The following CFAP47 variants were observed in gnomAD, a reference collection of about 807,000 sequenced individuals.
The protein encoded by CFAP47 is cilia and flagella associated protein 47.
In CFAP47, 29 loss-of-function variants were observed where a neutral mutation model predicts 148.1. The observed-to-expected ratio is 0.20, with a 90% CI of 0.15 to 0.27. The LOEUF (loss-of-function observed/expected upper bound fraction) is 0.27. Ranked by LOEUF, CFAP47 falls within the 10% of genes least tolerant of loss-of-function variation. The pLI, the probability that CFAP47 is intolerant of heterozygous loss-of-function variation, is 1.00. For missense variants in CFAP47, 1,872 were observed against 1,697.5 expected, an observed-to-expected ratio of 1.10 and a Z score of -1.81; for synonymous variants, 664 against 577.3, an observed-to-expected ratio of 1.15 and a Z score of -2.15.
At chrX:36,259,001 GT>G (rs200015875) in intron 49 of CFAP47, among the ~76,000 whole-genome samples, 2,249 of 111,451 alleles carry the variant, frequency 0.02, 61 homozygotes, top group African/African-American at 0.07. Context: ...TGAATGTCGG[GT>G]TTTTTTGTTT....
intron 46 of CFAP47, among the ~76,000 whole-genome samples, chrX:36,230,206 A>G (rs1940327767): frequency 1.0e-5 from 1 of 98,950 alleles, no homozygotes; most frequent in Non-Finnish European, 2.0e-5. Flanking sequence ...ACAATGGTTG[A>G]ACTAGTTTAC....
intron 49 of CFAP47, among the ~76,000 whole-genome samples, chrX:36,259,969 G>A (rs1312124756): frequency 9.0e-6 from 1 of 111,145 alleles, no homozygotes; most frequent in African/African-American, 3.3e-5. Context: ...GTGATATTTG[G>A]TTTTCTGTTC....
At chrX:36,223,923 G>T (rs1940241109) in intron 45 of CFAP47, among the ~76,000 whole-genome samples, 1 of 110,811 alleles carries the variant, frequency 9.0e-6, no homozygotes, top group South Asian at 3.7e-4. Context: ...TACTTATTGG[G>T]TATTATACCC....
chrX:36,227,930 A>C (rs1940289438), intron 45 of CFAP47, among the ~76,000 whole-genome samples: 1 of 112,235 alleles, frequency 8.9e-6, no homozygotes, highest in Non-Finnish European at 1.9e-5. Context: ...CTGAAAGGAA[A>C]GAATGAGAAT....
intron 61 of CFAP47, among the ~76,000 whole-genome samples, chrX:36,362,772 G>C (rs1941839880): frequency 8.9e-6 from 1 of 111,917 alleles, no homozygotes; most frequent in South Asian, 3.7e-4. Flanking sequence ...AAGTGGCTAT[G>C]AATATGTAGT....
chrX:35,922,301 A>G (rs149922038), intron 1 of CFAP47, among the ~76,000 whole-genome samples: 2 of 112,446 alleles, frequency 1.8e-5, no homozygotes, highest in Admixed American at 9.4e-5. Flanking sequence ...TTTCTGTCTT[A>G]CTGGATACCA....
intron 32 of CFAP47, among the ~76,000 whole-genome samples, chrX:36,102,154 G>A (rs192098656): frequency 9.3e-4 from 104 of 111,620 alleles, no homozygotes; most frequent in African/African-American, 3.3e-3. Context: ...AAGATAATTC[G>A]AAACAATGTT....
chrX:36,030,720 G>A (rs927220530), intron 22 of CFAP47, among the ~76,000 whole-genome samples: 1 of 110,253 alleles, frequency 9.1e-6, no homozygotes, highest in Non-Finnish European at 1.9e-5. Flanking sequence ...AAGAAGTATA[G>A]GTTTTTTCCA....
At chrX:35,986,726 T>C (rs975593737) in intron 15 of CFAP47, among the ~76,000 whole-genome samples, 3 of 111,386 alleles carry the variant, frequency 2.7e-5, no homozygotes, top group African/African-American at 9.8e-5. Flanking sequence ...TGCACTGATT[T>C]TTTCTCATCT....
chrX:36,251,345 C>G lies in CFAP47; in HGVS notation c.7345C>G (p.Leu2449Val), dbSNP rs1463242060. 2.0e-6 allele frequency: 1 copy of G among 502,310 alleles called. No individual in the cohort carries two copies. The allele number at this position is 502,310 out of a possible 1,213,427, so 41.4% of individuals were successfully genotyped here. The change falls in exon 49 of 64, where the codon CTT becomes GTT. Residue 2449 changes from leucine to valine, a missense_variant. By Grantham distance (32) the Leu-to-Val change is conservative (BLOSUM62 1). Coordinates refer to ENST00000378653, the MANE Select transcript of CFAP47 (RefSeq NM_001304548.2). ...TALTFKVTAD[L>V]PIVWGNPQIT... ...TTATCTCTTATAGGTAACTGCAGAT[C>G]TTCCAATAGTGTGGGGAAATCCACA...
At chrX:36,223,276 A>C (rs2146896997) in intron 45 of CFAP47, among the ~76,000 whole-genome samples, 1 of 110,949 alleles carries the variant, frequency 9.0e-6, no homozygotes, top group South Asian at 3.8e-4. Context: ...GAATGGCCTA[A>C]GAGAGCAGGT....
chrX:36,173,043 G>C (rs369707287), intron 39 of CFAP47, among the ~76,000 whole-genome samples: 10 of 110,754 alleles, frequency 9.0e-5, no homozygotes, highest in Non-Finnish European at 1.7e-4. Flanking sequence ...TGTATGTGTC[G>C]AGGAATTTAT....
At chrX:36,053,951 C>T (rs1235954970) in intron 26 of CFAP47, among the ~76,000 whole-genome samples, 3 of 112,582 alleles carry the variant, frequency 2.7e-5, no homozygotes, top group African/African-American at 9.7e-5. Context: ...TGTAGTTTTT[C>T]TAATATCCTT....
At chrX:36,361,808 T>C (rs1941831091) in intron 61 of CFAP47, among the ~76,000 whole-genome samples, 1 of 112,135 alleles carries the variant, frequency 8.9e-6, no homozygotes, top group East Asian at 2.8e-4. Context: ...TGATTTAGCG[T>C]TGTGCAATAG....
rs112921928 is a variant in CFAP47 at position 36,093,268 on chromosome X, A to G, written c.4917-5525A>G. Reference sequence around the variant, plus strand: ...TATTGATTTCGTTTCTTTTGGCTATATACCCAGCAAGGGGATTGCTGGATT... The same window carrying G: ...TATTGATTTCGTTTCTTTTGGCTATGTACCCAGCAAGGGGATTGCTGGATT... On this transcript the variant is annotated intron_variant, in intron 30 of 63. Transcript: ENST00000378653. Among the ~76,000 whole-genome samples, 404 of 111,342 alleles carry G rather than the reference A, an allele frequency of 3.6e-3. 1 individual carries two copies. Among genetic ancestry groups the G allele is most frequent in the African/African-American group, 0.012 (376 of 30,815 alleles).
chrX:36,356,404 T>G (rs1212317166), intron 60 of CFAP47, among the ~76,000 whole-genome samples: 2 of 111,213 alleles, frequency 1.8e-5, no homozygotes, highest in Non-Finnish European at 3.8e-5. Flanking sequence ...TCTTCTCAAA[T>G]TTAACATAGT....
intron 21 of CFAP47, among the ~76,000 whole-genome samples, chrX:36,006,267 T>C (rs1370650315): frequency 9.0e-6 from 1 of 111,070 alleles, no homozygotes; most frequent in Non-Finnish European, 1.9e-5. Context: ...AAATTAATTA[T>C]ATATATTTAA....
chrX:35,982,147 T>C (rs769992630), intron 15 of CFAP47, among the ~76,000 whole-genome samples: 7 of 112,128 alleles, frequency 6.2e-5, no homozygotes, highest in African/African-American at 2.3e-4. Flanking sequence ...GCATAAGTGT[T>C]CTGTTTTCTT....
intron 57 of CFAP47, among the ~76,000 whole-genome samples, chrX:36,342,772 T>G (rs1556015956): frequency 8.9e-6 from 1 of 111,810 alleles, no homozygotes; most frequent in Non-Finnish European, 1.9e-5. Context: ...TAGATTTTTT[T>G]GTTGTTGATA....
Sources: allele counts gnomAD v4.1 joint callset (sites outside exome capture counted in the v4.1 genomes callset), GRCh38; gene constraint gnomAD v4.1.1; transcripts MANE v1.5; gene names NCBI Gene and HGNC (gene_info 2026-07-23, HGNC 2026-07-21).